The following ANKS1B variants were observed in gnomAD, a reference collection of about 807,000 sequenced individuals.
ANKS1B encodes ankyrin repeat and sterile alpha motif domain-containing protein 1B.
A neutral mutation model predicts 148.3 loss-of-function variants in ANKS1B; 36 were observed. The ratio of observed to expected loss-of-function variants is 0.24; its 90% CI spans 0.19 to 0.32. The LOEUF is 0.32. Ranked by LOEUF, ANKS1B falls within the 10% of genes least tolerant of loss-of-function variation. ANKS1B has a pLI of 1.00. For synonymous variants in ANKS1B, 542 were observed against 560.8 expected, an observed-to-expected ratio of 0.97 and a Z score of 0.47; for missense variants, 1,157 against 1,542.6, an observed-to-expected ratio of 0.75 and a Z score of 4.19.
At chr12:99,771,692 C>A (rs886500813) in intron 8 of ANKS1B, among the ~76,000 whole-genome samples, 1 of 151,900 alleles carries the variant, frequency 6.6e-6, no homozygotes, top group African/African-American at 2.4e-5. Context: ...AGTACATATA[C>A]AACTGTTCAT....
At chr12:99,209,249 T>A (rs1458741954) in intron 14 of ANKS1B, among the ~76,000 whole-genome samples, 2 of 152,214 alleles carry the variant, frequency 1.3e-5, no homozygotes, top group Non-Finnish European at 2.9e-5. Flanking sequence ...CTACTTTTTC[T>A]GCATTTATGT....
chr12:99,443,544 C>T, intron 11 of ANKS1B, 129 bp downstream of exon 11: 1 of 957,152 alleles, frequency 1.0e-6, no homozygotes. Flanking sequence ...TCTGAGTCCC[C>T]TCTTTTAATT....
intron 1 of ANKS1B, among the ~76,000 whole-genome samples, chr12:99,880,237 C>G (rs540801926): frequency 6.6e-6 from 1 of 152,172 alleles, no homozygotes; most frequent in South Asian, 2.1e-4. Context: ...TATTAACTTA[C>G]TGAATCCTGA....
chr12:99,471,156 T>G (rs1448984424), intron 10 of ANKS1B, among the ~76,000 whole-genome samples: 1 of 152,128 alleles, frequency 6.6e-6, no homozygotes, highest in Non-Finnish European at 1.5e-5. Flanking sequence ...TCTTTTTTTC[T>G]TAATACTCAC....
At chr12:99,030,801 A>G (rs1410895420) in intron 17 of ANKS1B, among the ~76,000 whole-genome samples, 1 of 152,190 alleles carries the variant, frequency 6.6e-6, no homozygotes, top group East Asian at 1.9e-4. Flanking sequence ...ATGATTATCG[A>G]ACTGAATTGA....
intron 9 of ANKS1B, among the ~76,000 whole-genome samples, chr12:99,643,626 C>A (rs7135461): frequency 0.42 from 63,411 of 151,964 alleles, 13,705 homozygotes; most frequent in Admixed American, 0.49. Context: ...TTCCTGCCTG[C>A]AGAATTTCAG....
At chr12:98,831,004 GT>G (rs1376141766) in intron 18 of ANKS1B, 1 of 124,470 alleles carries the variant, frequency 8.0e-6, no homozygotes, top group African/African-American at 3.1e-5. Context: ...CTGGAGTGCA[GT>G]GGTGCGATCT....
At chr12:99,173,749 G>A (rs2078055553) in intron 14 of ANKS1B, among the ~76,000 whole-genome samples, 1 of 152,128 alleles carries the variant, frequency 6.6e-6, no homozygotes. Context: ...GTCATGGACA[G>A]TTATATTCAC....
intron 17 of ANKS1B, among the ~76,000 whole-genome samples, chr12:98,946,671 C>G (rs1004909972): frequency 6.6e-6 from 1 of 152,058 alleles, no homozygotes; most frequent in African/African-American, 2.4e-5. Flanking sequence ...TGATTTGGCT[C>G]ACACTTGGAA....
chr12:99,237,214 T>C (rs2088161922), intron 14 of ANKS1B, among the ~76,000 whole-genome samples: 1 of 152,196 alleles, frequency 6.6e-6, no homozygotes, highest in South Asian at 2.1e-4. Context: ...GTTTGGGGTG[T>C]GTTCCTGTGT....
chr12:99,324,871 A>G (rs1284279364), intron 12 of ANKS1B, among the ~76,000 whole-genome samples: 1 of 152,158 alleles, frequency 6.6e-6, no homozygotes. Context: ...TCCTAACACC[A>G]AACATTGAAA....
chr12:99,247,616 A>G (rs1279068906), intron 12 of ANKS1B, among the ~76,000 whole-genome samples: 1 of 152,230 alleles, frequency 6.6e-6, no homozygotes, highest in Admixed American at 6.5e-5. Flanking sequence ...TGCAGAAAAG[A>G]AACCAATGAT....
At chr12:98,999,695 G>A (rs976496689) in intron 17 of ANKS1B, among the ~76,000 whole-genome samples, 5 of 152,184 alleles carry the variant, frequency 3.3e-5, no homozygotes, top group African/African-American at 1.2e-4. Context: ...TCTTCTCCTA[G>A]TAAACTAACT....
chr12:98,757,840 C>T (rs1043443467), intron 25 of ANKS1B, among the ~76,000 whole-genome samples: 2 of 152,180 alleles, frequency 1.3e-5, no homozygotes, highest in Non-Finnish European at 2.9e-5. Flanking sequence ...TAGCATAAGT[C>T]TTTTGAGACA....
chr12:98,966,712 T>G (rs972287633), intron 17 of ANKS1B, among the ~76,000 whole-genome samples: 1 of 151,972 alleles, frequency 6.6e-6, no homozygotes, highest in Non-Finnish European at 1.5e-5. Flanking sequence ...TGGAATACTA[T>G]GCAGCCATGA....
At chr12:99,982,493 T>C (rs908989355) in intron 1 of ANKS1B, among the ~76,000 whole-genome samples, 2 of 152,186 alleles carry the variant, frequency 1.3e-5, no homozygotes, top group South Asian at 2.1e-4. Flanking sequence ...CCCGAAGAAA[T>C]TGTTTATTTT....
At chr12:99,634,499 G>A (rs1190273809) in intron 9 of ANKS1B, among the ~76,000 whole-genome samples, 1 of 151,980 alleles carries the variant, frequency 6.6e-6, no homozygotes, top group African/African-American at 2.4e-5. Flanking sequence ...ACAGAAAATA[G>A]GCTAATATAT....
At chr12:98,753,497 G>A (rs1290700702) in intron 25 of ANKS1B, among the ~76,000 whole-genome samples, 4 of 151,870 alleles carry the variant, frequency 2.6e-5, no homozygotes, top group African/African-American at 7.3e-5. Context: ...GCACAATCTC[G>A]GCTCACTGCC....
At chr12:99,763,015 A>G (rs1339818048) in intron 8 of ANKS1B, among the ~76,000 whole-genome samples, 1 of 152,204 alleles carries the variant, frequency 6.6e-6, no homozygotes, top group Non-Finnish European at 1.5e-5. Flanking sequence ...GAGGTTGTGT[A>G]GAAAAGGGAT....
Sources: gnomAD v4.1 joint callset for allele counts (sites outside exome capture counted in the v4.1 genomes callset) on GRCh38, gnomAD v4.1.1 for gene constraint, MANE v1.5 for transcripts, NCBI Gene and HGNC (gene_info 2026-07-23, HGNC 2026-07-21) for gene names.